The following LIPJ variants were observed in gnomAD, a reference collection of about 807,000 sequenced individuals.
The protein encoded by LIPJ is lipase family member J.
A neutral mutation model predicts 39.8 loss-of-function variants in LIPJ; 33 were observed. The ratio of observed to expected loss-of-function variants is 0.83; its 90% CI spans 0.63 to 1.11. The LOEUF is 1.11. LIPJ is among the 50% of genes least tolerant of loss of function. The probability of loss-of-function intolerance (pLI) is 0.00; values close to 1 mark genes in which losing one functional copy is unlikely to be tolerated. For synonymous variants in LIPJ, 128 were observed against 139.2 expected (o/e 0.92, Z 0.57); for missense variants, 422 against 427.9 (o/e 0.99, Z 0.12).
chr10:88,611,797 G>T (rs1851755677), downstream of LIPJ, among the ~76,000 whole-genome samples: 1 of 152,174 alleles, frequency 6.6e-6, no homozygotes, highest in African/African-American at 2.4e-5. Flanking sequence ...AGAATAATTG[G>T]TGTCCCTGAG....
intron 9 of LIPJ, 100 bp from the exon 10 acceptor site, chr10:88,605,533 A>G (rs2274312): frequency 0.45 from 346,981 of 768,024 alleles, 79,605 homozygotes; most frequent in African/African-American, 0.52. Flanking sequence ...ATACCAGCAG[A>G]CCCAGTACAA....
At chr10:88,618,315 A>G in the LIPJ span, 1 of 152,134 alleles carries the variant, frequency 6.6e-6, no homozygotes, top group African/African-American at 2.4e-5. Context: ...TTCTGTGGAG[A>G]AGATAACTTG....
the LIPJ span, among the ~76,000 whole-genome samples, chr10:88,622,716 G>A: frequency 6.6e-6 from 1 of 152,136 alleles, no homozygotes; most frequent in Non-Finnish European, 1.5e-5. Context: ...GAGGGAACTA[G>A]AGGCAACACA....
In LIPJ at chr10:88,591,370, T is replaced by A. The variant is rs1176314202; in HGVS notation, c.10-8T>A. On this transcript the variant is annotated splice_polypyrimidine_tract_variant and splice_region_variant and intron_variant, in intron 3 of 10. Coordinates refer to ENST00000371939, the Ensembl canonical transcript of LIPJ. ...TTATGCTAAAAGATTTGCTTTTTCT[T>A]TATCTAGAGCCAGATTATTTCCTAC... 1 of 1,574,746 alleles carries A rather than the reference T, an allele frequency of 6.4e-7. No individual in the cohort carries two copies. The highest frequency in any genetic ancestry group is 1.9e-5 in the Admixed American group (1 of 51,946).
At chr10:88,596,345 C>A in exon 7 of LIPJ, 2 of 1,556,940 alleles carry the variant, frequency 1.3e-6, no homozygotes, top group Non-Finnish European at 1.7e-6. Flanking sequence ...TGCTTTAGCA[C>A]CAGTTTTTTC....
chr10:88,591,517 T>C lies in LIPJ; in HGVS notation c.130+19T>C. ...AATCTAGGTAATATTCAATTGAAGA[T>C]GGATTGGTGACAATCTGGGGCCTGA... is the stretch of plus-strand genomic sequence containing the variant. On this transcript the variant is annotated intron_variant, in intron 4 of 10. Transcript: ENST00000371939. 6.3e-7 allele frequency: 1 copy of C among 1,586,440 alleles called. No individual in the cohort carries two copies. The highest frequency in any genetic ancestry group is 8.6e-7 in the Non-Finnish European group (1 of 1,167,706).
At chr10:88,603,286 G>A (rs1034188290) in intron 9 of LIPJ, among the ~76,000 whole-genome samples, 1 of 152,036 alleles carries the variant, frequency 6.6e-6, no homozygotes, top group African/African-American at 2.4e-5. Context: ...AATCTGACCG[G>A]AACACAGTTA....
chr10:88,589,187 T>A (rs1851004226), intron 2 of LIPJ, among the ~76,000 whole-genome samples: 1 of 151,888 alleles, frequency 6.6e-6, no homozygotes, highest in Non-Finnish European at 1.5e-5. Flanking sequence ...AAGCAAGCAG[T>A]GTGTAGTAAG....
chr10:88,602,458 A>T, intron 8 of LIPJ, 118 bp from the exon 9 acceptor site: 1 of 566,860 alleles, frequency 1.8e-6, no homozygotes, highest in Non-Finnish European at 2.9e-6. Context: ...GTTTATTAAT[A>T]TGATTAATTT....
At chr10:88,621,797 C>G in the LIPJ span, among the ~76,000 whole-genome samples, 1 of 152,156 alleles carries the variant, frequency 6.6e-6, no homozygotes, top group African/African-American at 2.4e-5. Context: ...CAGTGTTCCG[C>G]TATTTTCTTT....
At chr10:88,583,279 C>A (rs369796318), upstream of LIPJ, 235 of 1,562,404 alleles carry the variant, frequency 1.5e-4, no homozygotes, top group African/African-American at 2.6e-3. Flanking sequence ...CCGGCGCTAG[C>A]GCTCTTTGGT....
intron 8 of LIPJ, among the ~76,000 whole-genome samples, chr10:88,601,819 G>T (rs1172752283): frequency 6.6e-6 from 1 of 152,088 alleles, no homozygotes; most frequent in Non-Finnish European, 1.5e-5. Context: ...TTTGAGTAGG[G>T]TTAACTGATT....
At chr10:88,590,758 T>G in intron 3 of LIPJ, 62 bp downstream of exon 3, 1 of 1,347,190 alleles carries the variant, frequency 7.4e-7, no homozygotes, top group Non-Finnish European at 1.1e-6. Context: ...TTTTCAAATT[T>G]GGAATTTTAA....
At chr10:88,602,373 C>A (rs1185204450) in intron 8 of LIPJ, among the ~76,000 whole-genome samples, 2 of 151,682 alleles carry the variant, frequency 1.3e-5, no homozygotes, top group East Asian at 3.9e-4. Flanking sequence ...CTTAGAAATT[C>A]AATAATAGCT....
intron 8 of LIPJ, among the ~76,000 whole-genome samples, chr10:88,601,054 T>C (rs1365464698): frequency 6.6e-6 from 1 of 152,082 alleles, no homozygotes; most frequent in African/African-American, 2.4e-5. Context: ...GTTCAGGCAA[T>C]TCTCCTCTCT....
At chr10:88,590,141 A>T (rs1440266867) in intron 2 of LIPJ, among the ~76,000 whole-genome samples, 1 of 151,652 alleles carries the variant, frequency 6.6e-6, no homozygotes, top group African/African-American at 2.4e-5. Flanking sequence ...TGAGTTGCTG[A>T]ATGAAAGTTA....
rs146734974 is a variant in LIPJ at position 88,600,599 on chromosome 10, C to A, written c.724-1977C>A. On this transcript the variant is annotated intron_variant, in intron 8 of 10. Transcript: ENST00000371939. ...TCTAATGTTTGCAGCATCTCTGCAT[C>A]TGCTTTTGCTGATTGTTTTATGTGC... is the stretch of plus-strand genomic sequence containing the variant. Among the ~76,000 whole-genome samples, 1,007 of 152,258 alleles carry A rather than the reference C, an allele frequency of 6.6e-3. 27 individuals are homozygous for A. In the South Asian group the frequency reaches 0.082, roughly 12 times the overall value.
the LIPJ span, among the ~76,000 whole-genome samples, chr10:88,620,059 A>T: frequency 6.6e-6 from 1 of 152,196 alleles, no homozygotes; most frequent in South Asian, 2.1e-4. Context: ...TAAAAATGAG[A>T]CATTCTTTAA....
the LIPJ span, among the ~76,000 whole-genome samples, chr10:88,614,855 C>T: frequency 7.3e-3 from 1,110 of 151,968 alleles, 28 homozygotes; most frequent in South Asian, 0.083. Flanking sequence ...AATATGCTAA[C>T]GAAATAAACT....
Sources: allele counts gnomAD v4.1 joint callset (sites outside exome capture counted in the v4.1 genomes callset), GRCh38; gene constraint gnomAD v4.1.1; transcripts MANE v1.5; gene names NCBI Gene and HGNC (gene_info 2026-07-23, HGNC 2026-07-21).